Variants in ANO1 observed in about 807,000 individuals in gnomAD.
ANO1 encodes anoctamin-1.
In ANO1, 59 loss-of-function variants were observed where a neutral mutation model predicts 124.0. That is an observed-to-expected ratio of 0.48 (90% CI 0.39 to 0.59). ANO1 has a LOEUF of 0.59. Among genes scored for constraint, ANO1 ranks in the 20% least tolerant of loss-of-function variants. The pLI is 0.00. For synonymous variants in ANO1, 529 were observed against 532.0 expected, an observed-to-expected ratio of 0.99 and a Z score of 0.08; for missense variants, 1,059 against 1,328.0, an observed-to-expected ratio of 0.80 and a Z score of 3.15.
In ANO1 at chr11:70,078,646, G is replaced by A. The variant is rs1436758906; in HGVS notation, c.40G>A (p.Asp14Asn). ...NEKYSTLPAE[D>N]RSVHIINICA... ...GAAGTACTCGACGCTCCCGGCCGAGGACCGCAGCGTCCACATCATCAACAT... is the reference window on the plus strand; with the variant it reads ...GAAGTACTCGACGCTCCCGGCCGAGAACCGCAGCGTCCACATCATCAACAT... The change falls in exon 1 of 26, where the codon GAC (aspartate) becomes AAC (asparagine). Residue 14 changes from aspartate (D) to asparagine (N), a missense_variant. Coordinates refer to ENST00000355303, the MANE Select transcript of ANO1 (RefSeq NM_018043.7). 2.7e-6 allele frequency: 4 copies of A among 1,502,536 alleles called. No homozygotes were observed. The highest frequency in any genetic ancestry group is 2.7e-6 in the Non-Finnish European group (3 of 1,115,928). The allele number at this position is 1,502,536 out of a possible 1,614,324, so 93.1% of individuals were successfully genotyped here.
At position 70,024,212 on chromosome 11, in the gene ANO1, C is replaced by T. The variant is rs116617466; in HGVS notation, c.58+38046C>T. On this transcript the variant is annotated intron_variant, in intron 1 of 27. Transcript: ENST00000531349. ...GCAGGGAGCCCAAGGCTATCTCTGA[C>T]GGTCCTGCCTGAGGTCTTTGACCCT... 5.6e-3 allele frequency among the ~76,000 whole-genome samples: 847 copies of T among 152,286 alleles called. 4 individuals are homozygous for T. Among genetic ancestry groups the T allele is most frequent in the African/African-American group, 0.019 (808 of 41,558 alleles).
the ANO1 span, among the ~76,000 whole-genome samples, chr11:69,975,864 T>C: frequency 6.6e-6 from 1 of 152,176 alleles, no homozygotes; most frequent in South Asian, 2.1e-4. Context: ...CATGATTTTG[T>C]TTTGGTTGAT....
At chr11:70,070,960 T>C (rs1188187672) in intron 1 of ANO1, among the ~76,000 whole-genome samples, 1 of 152,088 alleles carries the variant, frequency 6.6e-6, no homozygotes, top group Non-Finnish European at 1.5e-5. Flanking sequence ...CTGCCTCAGA[T>C]CTCTTACCCA....
chr11:70,048,606 A>C (rs1857296907), intron 1 of ANO1, among the ~76,000 whole-genome samples: 4 of 142,440 alleles, frequency 2.8e-5, no homozygotes, highest in African/African-American at 5.3e-5. Flanking sequence ...TCTCTTTTCT[A>C]CTCTGTCTGT....
chr11:69,972,421 CAAT>C, the ANO1 span, among the ~76,000 whole-genome samples: 1 of 152,038 alleles, frequency 6.6e-6, no homozygotes, highest in Non-Finnish European at 1.5e-5. Context: ...GGCATCAACT[CAAT>C]GATGAGACAA....
intron 1 of ANO1, among the ~76,000 whole-genome samples, chr11:70,022,993 C>T (rs1048900124): frequency 6.6e-6 from 1 of 152,110 alleles, no homozygotes; most frequent in East Asian, 1.9e-4. Flanking sequence ...GAGGCAGGGG[C>T]CACAAGGCAA....
intron 1 of ANO1, among the ~76,000 whole-genome samples, chr11:70,008,089 A>G (rs1268963883): frequency 1.3e-5 from 2 of 148,872 alleles, no homozygotes; most frequent in African/African-American, 5.1e-5. Flanking sequence ...TCTCTTGCTC[A>G]TTTTAAAATC....
At chr11:70,081,110 A>G (rs918701433) in intron 1 of ANO1, among the ~76,000 whole-genome samples, 2 of 152,256 alleles carry the variant, frequency 1.3e-5, no homozygotes, top group Non-Finnish European at 2.9e-5. Flanking sequence ...TGCGGTTCCC[A>G]GCCTGTGACT....
At chr11:70,029,058 A>AGGCATG (rs1856957012) in intron 1 of ANO1, among the ~76,000 whole-genome samples, 1 of 152,216 alleles carries the variant, frequency 6.6e-6, no homozygotes, top group Non-Finnish European at 1.5e-5. Flanking sequence ...CTGAGATTAC[A>AGGCATG]GGCATGAGCC....
chr11:69,972,471 A>T, the ANO1 span, among the ~76,000 whole-genome samples: 33 of 152,190 alleles, frequency 2.2e-4, 1 homozygote, highest in Admixed American at 1.5e-3. Context: ...GTTTCCTGGG[A>T]GGGGTGTACA....
intron 1 of ANO1, among the ~76,000 whole-genome samples, chr11:69,993,195 G>T (rs139176462): frequency 6.6e-6 from 1 of 152,292 alleles, no homozygotes; most frequent in East Asian, 1.9e-4. Context: ...TTGCCCCTGG[G>T]TGTGGTGTGC....
the ANO1 span, among the ~76,000 whole-genome samples, chr11:69,978,746 C>G: frequency 1.3e-5 from 2 of 152,188 alleles, no homozygotes; most frequent in Admixed American, 1.3e-4. Context: ...AGATGGAAGC[C>G]TAATCTCTCT....
chr11:70,016,642 A>T lies in ANO1; in HGVS notation c.58+30476A>T, dbSNP rs562398684. ...TTGGGAGCTCCTGGGAGCGCGGGGC[A>T]TGCATTTCAGTGGCAGCCTCATTTG... On this transcript the variant is annotated intron_variant, in intron 1 of 27. Coordinates refer to the ANO1 transcript ENST00000531349. Among the ~76,000 whole-genome samples the T allele has an allele frequency of 4.6e-5, 7 of 152,328 alleles. No homozygotes were observed. In the South Asian group the frequency reaches 1.0e-3, roughly 23 times the overall value.
At chr11:70,131,082 G>A (rs1054949538) in intron 10 of ANO1, among the ~76,000 whole-genome samples, 4 of 152,262 alleles carry the variant, frequency 2.6e-5, no homozygotes, top group African/African-American at 4.8e-5. Context: ...AGCCTTGACC[G>A]TGCCTGCCGA....
Position 70,078,566 on chromosome 11 carries a change from A to T in ANO1, c.-41A>T, listed in dbSNP as rs1206382196. 5 of 1,368,168 alleles carry T rather than the reference A, an allele frequency of 3.7e-6. No homozygotes were observed. Among genetic ancestry groups the T allele is most frequent in the Non-Finnish European group, 4.8e-6 (5 of 1,031,434 alleles). 84.8% of individuals were successfully genotyped at this position (1,368,168 alleles called of 1,614,324 possible). On this transcript the variant is annotated 5_prime_UTR_variant, in exon 1 of 26. Transcript: ENST00000355303. ...GAGGCCGCCGGGGCCGTGGATGGGG[A>T]GGGCGCGCCGCCCGGCGGTCCCAGC...
At chr11:70,084,372 A>T (rs1238283522) in intron 1 of ANO1, among the ~76,000 whole-genome samples, 3 of 152,160 alleles carry the variant, frequency 2.0e-5, no homozygotes, top group Non-Finnish European at 2.9e-5. Flanking sequence ...CGTATCTGCC[A>T]TTGGGTGGCC....
At chr11:70,070,655 G>A (rs887690241) in intron 1 of ANO1, among the ~76,000 whole-genome samples, 5 of 152,230 alleles carry the variant, frequency 3.3e-5, no homozygotes, top group South Asian at 2.1e-4. Context: ...CAGCCTGGGC[G>A]ACAGAGTGAA....
intron 1 of ANO1, among the ~76,000 whole-genome samples, chr11:70,028,686 G>A (rs1335928781): frequency 1.3e-5 from 2 of 152,100 alleles, no homozygotes; most frequent in Non-Finnish European, 2.9e-5. Context: ...GTCTTGAAGG[G>A]CGCGAGCATA....
intron 22 of ANO1, among the ~76,000 whole-genome samples, chr11:70,175,410 C>T (rs1316742168): frequency 2.0e-5 from 3 of 152,240 alleles, no homozygotes; most frequent in East Asian, 3.8e-4. Flanking sequence ...GGCCCCCAGG[C>T]GAGCTCCTTG....
Sources: allele counts gnomAD v4.1 joint callset (sites outside exome capture counted in the v4.1 genomes callset), GRCh38; gene constraint gnomAD v4.1.1; transcripts MANE v1.5; gene names NCBI Gene and HGNC (gene_info 2026-07-23, HGNC 2026-07-21).